Variants in LRRK1 observed in about 807,000 individuals in gnomAD.
LRRK1 encodes leucine rich repeat kinase 1, also known as leucine-rich repeat serine/threonine-protein kinase 1.
In LRRK1, 113 loss-of-function variants were observed where a neutral mutation model predicts 209.1. That is an observed-to-expected ratio of 0.54 (90% CI 0.46 to 0.63). LRRK1 has a LOEUF of 0.63. Ranked by LOEUF, LRRK1 falls within the 30% of genes least tolerant of loss-of-function variation. The pLI, the probability that LRRK1 is intolerant of heterozygous loss-of-function variation, is 0.00. For missense variants in LRRK1, 2,284 were observed against 2,632.2 expected (o/e 0.87, Z 2.89); for synonymous variants, 1,144 against 1,099.7 (o/e 1.04, Z -0.80).
intron 2 of LRRK1, among the ~76,000 whole-genome samples, chr15:100,960,792 C>A (rs114439969): frequency 6.6e-6 from 1 of 152,142 alleles, no homozygotes; most frequent in Non-Finnish European, 1.5e-5. Flanking sequence ...GGAAGAGGAA[C>A]AAAATCTAGG....
intron 2 of LRRK1, among the ~76,000 whole-genome samples, chr15:100,926,385 G>A (rs564219948): frequency 2.6e-5 from 4 of 152,262 alleles, no homozygotes; most frequent in South Asian, 4.2e-4. Flanking sequence ...GGACGAGGGT[G>A]GGGACAGGGA....
chr15:100,993,782 T>C (rs2032275026), intron 6 of LRRK1, among the ~76,000 whole-genome samples: 1 of 152,234 alleles, frequency 6.6e-6, no homozygotes. Flanking sequence ...TATTAGTATA[T>C]ATTTTTCCAT....
chr15:101,048,608 A>G lies in LRRK1; in HGVS notation c.3250A>G (p.Ile1084Val). 1 of 1,557,950 alleles carries G rather than the reference A, an allele frequency of 6.4e-7. No individual in the cohort carries two copies. The highest frequency in any genetic ancestry group is 8.6e-7 in the Non-Finnish European group (1 of 1,158,998). ...ATTCAGAGTGAAAAGAAATCAGACC[A>G]TCTATTGGCAGGAAGGGCTCCTGGT... Reference protein sequence around the residue: ...STFRVKRNQTIYWQEGLLVTF... With the variant: ...STFRVKRNQTVYWQEGLLVTF... The change falls in exon 22 of 34, where the codon ATC becomes GTC. Residue 1084 changes from isoleucine (I) to valine (V), a missense_variant. Ile to Val is a conservative substitution (Grantham distance 29, BLOSUM62 3). This residue lies in a region of LRRK1 where 780 missense variants were observed against 985.2 expected (regional missense o/e 0.79). Coordinates refer to ENST00000388948, the MANE Select transcript of LRRK1 (RefSeq NM_024652.6).
intron 6 of LRRK1, among the ~76,000 whole-genome samples, chr15:101,006,798 C>G (rs903166643): frequency 6.6e-5 from 10 of 152,272 alleles, no homozygotes; most frequent in Non-Finnish European, 7.4e-5. Flanking sequence ...ATCAGTGAGT[C>G]GAGGTGGAGA....
chr15:100,990,798 T>G (rs1439068697), intron 6 of LRRK1, among the ~76,000 whole-genome samples: 2 of 152,046 alleles, frequency 1.3e-5, no homozygotes, highest in Admixed American at 1.3e-4. Context: ...TCCATTATTT[T>G]TCTTTTTTTG....
In LRRK1 at chr15:101,048,045, C is replaced by T. The variant is rs74040260; in HGVS notation, c.3136-449C>T. ...GAAAGGTGGGGTTTTTTAACATATACGAAATTAGAAATCCAATATGGCTTC... is the reference window on the plus strand; with the variant it reads ...GAAAGGTGGGGTTTTTTAACATATATGAAATTAGAAATCCAATATGGCTTC... On this transcript the variant is annotated intron_variant, in intron 21 of 33. Transcript: ENST00000388948. Among the ~76,000 whole-genome samples the T allele has an allele frequency of 7.8e-3, 1,180 of 150,924 alleles. 15 individuals are homozygous for T. Among genetic ancestry groups the T allele is most frequent in the African/African-American group, 0.027 (1,112 of 41,006 alleles).
chr15:101,055,220 G>A lies in LRRK1; in HGVS notation c.4329G>A (p.Glu1443=), dbSNP rs1440500710. 6.4e-7 allele frequency: 1 copy of A among 1,553,322 alleles called. No individual in the cohort carries two copies. ...TCAGGCCTCGCATTGTATATGATGAGAAGGTACGTGCCTGGATCCCCTGGC... is the reference window on the plus strand; with the variant it reads ...TCAGGCCTCGCATTGTATATGATGAAAAGGTACGTGCCTGGATCCCCTGGC... The part of the protein sequence containing the change: ...PEIRPRIVYD[E]KVDMFSYGMV... The change falls in exon 27 of 34, where the codon GAG becomes GAA. Residue 1443 remains glutamate (E), a synonymous_variant. Transcript: ENST00000388948.
intron 20 of LRRK1, among the ~76,000 whole-genome samples, chr15:101,039,545 C>G (rs867851193): frequency 1.4e-4 from 22 of 152,060 alleles, no homozygotes; most frequent in Non-Finnish European, 2.5e-4. Flanking sequence ...GACAGTTTTA[C>G]TTTTTTCATT....
intron 2 of LRRK1, among the ~76,000 whole-genome samples, chr15:100,961,649 CA>C (rs10560323): frequency 3.8e-4 from 54 of 142,788 alleles, no homozygotes; most frequent in African/African-American, 1.1e-3. Context: ...GAGACTCCGT[CA>C]AAAAAAAAAA....
chr15:101,026,054 G>A lies in LRRK1; in HGVS notation c.2322G>A (p.Leu774=), dbSNP rs769388169. 14 of 1,614,156 alleles carry A rather than the reference G, an allele frequency of 8.7e-6. No individual in the cohort carries two copies. In the South Asian group the frequency reaches 1.3e-4, roughly 15 times the overall value. ...TCCGTGTGGAAAGGATTGCAACGCT[G>A]CGTGCCTATGTGCTGGCACTCTGCC... ...AKFRVERIAT[L]RAYVLALCRS... is the part of the protein sequence containing the mutation. Residue 774 remains leucine, a synonymous_variant, in exon 17 of 34, where the codon CTG becomes CTA. Coordinates refer to ENST00000388948, the MANE Select transcript of LRRK1 (RefSeq NM_024652.6).
Position 101,057,990 on chromosome 15 carries a change from C to A in LRRK1, c.4528C>A (p.Arg1510=), listed in dbSNP as rs1378059560. The part of the protein sequence containing the change: ...MECWDTKPEK[R]PLALSVVSQM... Reference sequence around the variant, plus strand: ...TCTTCTGGTGGCTTCTCTCCCTCAGCGACCGCTGGCCCTGTCGGTGGTGAG... The same window carrying A: ...TCTTCTGGTGGCTTCTCTCCCTCAGAGACCGCTGGCCCTGTCGGTGGTGAG... The change falls in exon 29 of 34, where the codon CGA becomes AGA. Residue 1510 remains arginine, a splice_region_variant and synonymous_variant. Transcript: ENST00000388948. The A allele has an allele frequency of 6.2e-7, 1 of 1,613,894 alleles. No homozygotes were observed. Among genetic ancestry groups the A allele is most frequent in the Non-Finnish European group, 8.5e-7 (1 of 1,179,978 alleles).
chr15:100,951,218 G>C (rs1240397653), intron 2 of LRRK1, among the ~76,000 whole-genome samples: 1 of 152,236 alleles, frequency 6.6e-6, no homozygotes, highest in Non-Finnish European at 1.5e-5. Context: ...TTATGGAAAT[G>C]CGAAGCAAAA....
intron 23 of LRRK1, chr15:101,050,833 C>T (rs4965361): frequency 0.77 from 117,444 of 152,400 alleles, 46,347 homozygotes; most frequent in South Asian, 0.87. Context: ...GCTGGGTGTG[C>T]GTGTCATGGT....
At chr15:100,948,423 G>A (rs561239339) in intron 2 of LRRK1, among the ~76,000 whole-genome samples, 5 of 152,182 alleles carry the variant, frequency 3.3e-5, no homozygotes, top group Non-Finnish European at 5.9e-5. Flanking sequence ...CTAAGTATTG[G>A]TAAATTCCCC....
intron 2 of LRRK1, among the ~76,000 whole-genome samples, chr15:100,969,656 C>G (rs1220241090): frequency 1.3e-5 from 2 of 152,166 alleles, no homozygotes; most frequent in Non-Finnish European, 2.9e-5. Context: ...CCCACCCTCC[C>G]TCACCACAGG....
intron 10 of LRRK1, among the ~76,000 whole-genome samples, chr15:101,012,615 G>A (rs1340657561): frequency 3.3e-5 from 5 of 152,308 alleles, no homozygotes; most frequent in East Asian, 1.9e-4. Flanking sequence ...CTCACCAGGG[G>A]CCCTGTAGTG....
In LRRK1 at chr15:101,048,591, TGAAAA is replaced by T; in HGVS notation, c.3238_3242del (p.Arg1080SerfsTer14). The T allele has an allele frequency of 6.3e-7, 1 of 1,575,126 alleles. No homozygotes were observed. Among genetic ancestry groups the T allele is most frequent in the Non-Finnish European group, 8.6e-7 (1 of 1,166,210 alleles). ...AGAAATCGCTGTAGCACATTCAGAGTGAAAAGAAATCAGACCATCTATTGGCAGGA... is the reference window on the plus strand; with the variant it reads ...AGAAATCGCTGTAGCACATTCAGAGTGAAATCAGACCATCTATTGGCAGGA... On this transcript the variant is annotated frameshift_variant, in exon 22 of 34. Transcript: ENST00000388948. LOFTEE classifies it high-confidence loss of function.
Position 101,061,174 on chromosome 15 carries a change from C to T in LRRK1, c.4683C>T (p.Asn1561=). The change falls in exon 30 of 34, where the codon AAC becomes AAT. Residue 1561 remains asparagine (N), a synonymous_variant. Coordinates refer to ENST00000388948, the MANE Select transcript of LRRK1 (RefSeq NM_024652.6). ...VFWDGKEESR[N]YTVVNTEKGL... The stretch of plus-strand genomic sequence containing the variant: ...GCACAGTTTCTGCCACTTACAGGAA[C>T]TACACGGTGGTGAACACAGAGAAGG... 6.4e-7 allele frequency: 1 copy of T among 1,562,462 alleles called. No homozygotes were observed. Among genetic ancestry groups the T allele is most frequent in the Non-Finnish European group, 8.8e-7 (1 of 1,138,826 alleles).
At chr15:101,066,298 G>C in intron 32 of LRRK1, 93 bp downstream of exon 32, 9 of 1,460,566 alleles carry the variant, frequency 6.2e-6, no homozygotes, top group Non-Finnish European at 8.2e-6. Flanking sequence ...CTTCCTTACA[G>C]GTCATGTGGG....
Sources: gnomAD v4.1 joint callset for allele counts (sites outside exome capture counted in the v4.1 genomes callset) on GRCh38, gnomAD v4.1.1 for gene constraint, gnomAD v4.1.1 regional missense constraint, MANE v1.5 for transcripts, NCBI Gene and HGNC (gene_info 2026-07-23, HGNC 2026-07-21) for gene names.